Variants in CSMD3 observed in about 807,000 individuals in gnomAD.
The protein encoded by CSMD3 is CUB and Sushi multiple domains 3, also known as CUB and sushi domain-containing protein 3.
Under a neutral mutation model 435.2 loss-of-function variants are expected in CSMD3, and 177 were observed. That is an observed-to-expected ratio of 0.41 (90% confidence interval 0.36 to 0.46). The LOEUF (loss-of-function observed/expected upper bound fraction) is 0.46, where lower values mean the gene tolerates loss of function less well. Ranked by LOEUF, CSMD3 falls within the 20% of genes least tolerant of loss-of-function variation. The pLI is 0.34. For synonymous variants in CSMD3, 1,656 were observed against 1,520.5 expected, an observed-to-expected ratio of 1.09 and a Z score of -2.07; for missense variants, 4,265 against 4,504.6, an observed-to-expected ratio of 0.95 and a Z score of 1.52.
chr8:112,870,659 T>C (rs1257549577), intron 10 of CSMD3, among the ~76,000 whole-genome samples: 1 of 152,152 alleles, frequency 6.6e-6, no homozygotes, highest in East Asian at 1.9e-4. Context: ...ATGTTTTTAA[T>C]TCATTTGTGA....
At chr8:112,524,209 A>G (rs1483582751) in intron 27 of CSMD3, among the ~76,000 whole-genome samples, 6 of 152,032 alleles carry the variant, frequency 3.9e-5, no homozygotes, top group Non-Finnish European at 4.4e-5. Flanking sequence ...GTGGAATCAA[A>G]GGCTTGTTAG....
chr8:113,269,489 C>A (rs1291062550), intron 3 of CSMD3, among the ~76,000 whole-genome samples: 5 of 152,030 alleles, frequency 3.3e-5, no homozygotes, highest in Non-Finnish European at 7.4e-5. Flanking sequence ...CAAAAAAGAG[C>A]CCTCATCACC....
intron 10 of CSMD3, among the ~76,000 whole-genome samples, chr8:112,871,781 A>C (rs570700766): frequency 6.6e-6 from 1 of 152,086 alleles, no homozygotes; most frequent in Non-Finnish European, 1.5e-5. Flanking sequence ...TGGGAGGAAA[A>C]CTCTTAATAG....
chr8:112,519,839 G>C (rs1824088131), intron 27 of CSMD3, among the ~76,000 whole-genome samples: 1 of 152,044 alleles, frequency 6.6e-6, no homozygotes, highest in African/African-American at 2.4e-5. Flanking sequence ...ATATCCAAGG[G>C]ACATTTTTGA....
Position 112,301,935 on chromosome 8 carries a change from T to C in CSMD3, c.8298A>G (p.Pro2766=). ...IISCGELPTP[P]NGNKIGTQTS... ...TTTGAGTTCCAATCTTATTTCCATT[T>C]GGAGGTGTAGGTAGTTCTCCACAGG... The change falls in exon 53 of 71, where the codon CCA becomes CCG. Residue 2766 remains proline, a synonymous_variant. Coordinates refer to ENST00000297405, the MANE Select transcript of CSMD3 (RefSeq NM_198123.2). 2.5e-6 allele frequency: 4 copies of C among 1,612,008 alleles called. No individual in the cohort carries two copies. The highest frequency in any genetic ancestry group is 3.4e-6 in the Non-Finnish European group (4 of 1,178,178).
At chr8:112,342,973 A>T (rs11774512) in intron 41 of CSMD3, among the ~76,000 whole-genome samples, 2,795 of 62,254 alleles carry the variant, frequency 0.045, 73 homozygotes, top group East Asian at 0.098. Flanking sequence ...GAAATGTATT[A>T]TATATATATA....
intron 1 of CSMD3, among the ~76,000 whole-genome samples, chr8:113,316,289 C>T (rs2093909282): frequency 6.6e-6 from 1 of 152,102 alleles, no homozygotes; most frequent in South Asian, 2.1e-4. Context: ...TCGATACTAC[C>T]AAAAGCATCT....
chr8:113,275,908 AT>A (rs1462358482), intron 3 of CSMD3, among the ~76,000 whole-genome samples: 2 of 152,006 alleles, frequency 1.3e-5, no homozygotes, highest in African/African-American at 4.8e-5. Context: ...TAGTAGATCT[AT>A]TTTACTGTAT....
chr8:112,689,053 C>T (rs984686160), intron 14 of CSMD3, among the ~76,000 whole-genome samples: 1 of 152,042 alleles, frequency 6.6e-6, no homozygotes, highest in African/African-American at 2.4e-5. Flanking sequence ...ATCAGATCCT[C>T]CTAATATATT....
At chr8:113,175,198 A>T (rs1255988567) in intron 3 of CSMD3, among the ~76,000 whole-genome samples, 5 of 151,864 alleles carry the variant, frequency 3.3e-5, no homozygotes, top group Non-Finnish European at 7.4e-5. Flanking sequence ...AGTGTTTTTT[A>T]AACTTTCATT....
intron 4 of CSMD3, among the ~76,000 whole-genome samples, chr8:113,149,052 T>A (rs1372658885): frequency 6.6e-6 from 1 of 151,766 alleles, no homozygotes; most frequent in Admixed American, 6.6e-5. Context: ...TGAAAATGTG[T>A]ATTTTATGGA....
At chr8:112,882,699 C>T (rs976194625) in intron 10 of CSMD3, among the ~76,000 whole-genome samples, 1 of 151,972 alleles carries the variant, frequency 6.6e-6, no homozygotes, top group Non-Finnish European at 1.5e-5. Context: ...AGACACTCTT[C>T]GGTTTACATT....
intron 1 of CSMD3, among the ~76,000 whole-genome samples, chr8:113,429,556 GAA>G (rs1385949286): frequency 6.6e-6 from 1 of 151,950 alleles, no homozygotes; most frequent in Non-Finnish European, 1.5e-5. Context: ...CATTATATCA[GAA>G]AAGTTTTTCA....
intron 69 of CSMD3, 107 bp downstream of exon 69, chr8:112,231,438 G>C: frequency 2.5e-6 from 2 of 789,220 alleles, no homozygotes; most frequent in East Asian, 2.4e-5. Context: ...TGGCAGTACA[G>C]AATTTATAAT....
At chr8:113,435,959 C>T (rs1033664970) in intron 1 of CSMD3, among the ~76,000 whole-genome samples, 2 of 152,092 alleles carry the variant, frequency 1.3e-5, no homozygotes, top group Non-Finnish European at 2.9e-5. Context: ...TGTCTGAACG[C>T]TGAGACTTGC....
At chr8:113,063,237 G>T (rs1283436818) in intron 5 of CSMD3, among the ~76,000 whole-genome samples, 1 of 150,868 alleles carries the variant, frequency 6.6e-6, no homozygotes, top group Non-Finnish European at 1.5e-5. Context: ...TAGAATTCAG[G>T]TTACCTGATG....
At chr8:112,560,803 T>A (rs1828554355) in intron 24 of CSMD3, among the ~76,000 whole-genome samples, 1 of 151,698 alleles carries the variant, frequency 6.6e-6, no homozygotes, top group Admixed American at 6.6e-5. Flanking sequence ...TAAACGTCTT[T>A]GCTCAAAAAT....
chr8:112,995,217 G>T (rs1363258589), intron 6 of CSMD3, among the ~76,000 whole-genome samples: 1 of 151,416 alleles, frequency 6.6e-6, no homozygotes, highest in East Asian at 1.9e-4. Context: ...AAAATATGAA[G>T]ATTGCATTTG....
intron 27 of CSMD3, among the ~76,000 whole-genome samples, chr8:112,531,131 G>A (rs995147610): frequency 6.6e-6 from 1 of 152,086 alleles, no homozygotes; most frequent in Non-Finnish European, 1.5e-5. Context: ...GGGAAGGAGA[G>A]GGAAGAGTAC....
Sources: allele counts gnomAD v4.1 joint callset (sites outside exome capture counted in the v4.1 genomes callset), GRCh38; gene constraint gnomAD v4.1.1; transcripts MANE v1.5; gene names NCBI Gene and HGNC (gene_info 2026-07-23, HGNC 2026-07-21).